The following PKNOX2 variants were observed in gnomAD, a reference collection of about 807,000 sequenced individuals.
The protein encoded by PKNOX2 is PBX/knotted 1 homeobox 2, also known as homeobox protein PKNOX2.
Under a neutral mutation model 53.1 loss-of-function variants are expected in PKNOX2, and 14 were observed. That is an observed-to-expected ratio of 0.26 (90% confidence interval 0.17 to 0.41). PKNOX2 has a LOEUF of 0.41. Ranked by LOEUF, PKNOX2 falls within the 10% of genes least tolerant of loss-of-function variation. PKNOX2 has a pLI of 1.00. For synonymous variants in PKNOX2, 257 were observed against 242.8 expected (o/e 1.06, Z -0.54); for missense variants, 496 against 602.8 (o/e 0.82, Z 1.85).
chr11:125,250,223 A>G (rs376370424), intron 2 of PKNOX2, among the ~76,000 whole-genome samples: 177 of 152,226 alleles, frequency 1.2e-3, no homozygotes, highest in African/African-American at 3.7e-3. Context: ...GCTTGGGGTG[A>G]TAAATTTGAG....
rs907064490 is a variant in PKNOX2, at chr11:125,174,535, C to G, written c.-201+9759C>G. Among the ~76,000 whole-genome samples the G allele has an allele frequency of 9.9e-5, 15 of 152,282 alleles. No homozygotes were observed. In the East Asian group the frequency reaches 2.9e-3, roughly 29 times the overall value. ...CCTACGACTGTCTGGGCTGTACATG[C>G]GAGGTCCATCAGGCACCATGAGTTT... is the stretch of plus-strand genomic sequence containing the variant. On this transcript the variant is annotated intron_variant, in intron 1 of 12. Coordinates refer to ENST00000298282, the MANE Select transcript of PKNOX2 (RefSeq NM_001382323.2).
intron 2 of PKNOX2, among the ~76,000 whole-genome samples, chr11:125,326,241 G>A (rs1395069926): frequency 2.0e-5 from 3 of 152,228 alleles, no homozygotes; most frequent in Admixed American, 1.3e-4. Flanking sequence ...GAGGGCAAGA[G>A]GCTGAGTTCA....
chr11:125,195,066 T>C (rs903281066), intron 1 of PKNOX2, among the ~76,000 whole-genome samples: 19 of 152,124 alleles, frequency 1.2e-4, no homozygotes, highest in Non-Finnish European at 2.1e-4. Context: ...AACCAGGAGT[T>C]TGGGAAGATG....
At chr11:125,210,991 A>G (rs1399644563) in intron 1 of PKNOX2, among the ~76,000 whole-genome samples, 3 of 152,148 alleles carry the variant, frequency 2.0e-5, no homozygotes, top group Admixed American at 2.0e-4. Flanking sequence ...AATAATGTTA[A>G]TCTTGAACGA....
At chr11:125,243,798 A>G (rs936175809) in intron 2 of PKNOX2, among the ~76,000 whole-genome samples, 1 of 151,620 alleles carries the variant, frequency 6.6e-6, no homozygotes, top group Non-Finnish European at 1.5e-5. Flanking sequence ...AATTTTTTGT[A>G]TTTTTAGTAG....
chr11:125,192,032 T>C (rs1956906922), intron 1 of PKNOX2, among the ~76,000 whole-genome samples: 1 of 152,010 alleles, frequency 6.6e-6, no homozygotes, highest in Non-Finnish European at 1.5e-5. Flanking sequence ...TATCGACATC[T>C]GAGCAGAGAG....
intron 2 of PKNOX2, among the ~76,000 whole-genome samples, chr11:125,256,073 T>G (rs921296493): frequency 6.6e-6 from 1 of 152,014 alleles, no homozygotes; most frequent in Admixed American, 6.6e-5. Flanking sequence ...ATGAGGGAAC[T>G]TAGCCTGCTG....
rs1175426207 is a variant in PKNOX2 at position 125,384,758 on chromosome 11, C to T, written c.228-793C>T. Among the ~76,000 whole-genome samples the T allele has an allele frequency of 1.3e-5, 2 of 152,264 alleles. 1 individual carries two copies. Among genetic ancestry groups the T allele is most frequent in the Admixed American group, 1.3e-4 (2 of 15,296 alleles). ...CACATCTAGATGTCATAGAACCCCC[C>T]GCCCCGACCACCACACATACCCTCT... On this transcript the variant is annotated intron_variant, in intron 5 of 12. Coordinates refer to ENST00000298282, the MANE Select transcript of PKNOX2 (RefSeq NM_001382323.2).
intron 2 of PKNOX2, among the ~76,000 whole-genome samples, chr11:125,260,661 C>A (rs1293321751): frequency 6.6e-6 from 1 of 152,298 alleles, no homozygotes; most frequent in East Asian, 1.9e-4. Context: ...TCCCTAGTAG[C>A]TGCAGGCTTT....
Position 125,385,676 on chromosome 11 carries a change from A to G in PKNOX2, c.353A>G (p.Gln118Arg). The change falls in exon 6 of 13, where the codon CAG (glutamine) becomes CGG (arginine). Residue 118 changes from glutamine to arginine, a missense_variant. By Grantham distance (43) the Gln-to-Arg change is conservative. This residue lies in a region of PKNOX2 where 168 missense variants were observed against 178.4 expected (regional missense o/e 0.94). Coordinates refer to ENST00000298282, the MANE Select transcript of PKNOX2 (RefSeq NM_001382323.2). ...DIENFVHQQE[Q>R]EHKPFFSDDP... ...GAGAACTTTGTCCACCAGCAGGAAC[A>G]GGAGCACAAACCCTTCTTCAGCGAT... The G allele has an allele frequency of 6.2e-7, 1 of 1,613,912 alleles. No homozygotes were observed. Among genetic ancestry groups the G allele is most frequent in the Non-Finnish European group, 8.5e-7 (1 of 1,179,948 alleles).
intron 1 of PKNOX2, among the ~76,000 whole-genome samples, chr11:125,177,713 C>G (rs1386304318): frequency 6.6e-6 from 1 of 152,172 alleles, no homozygotes; most frequent in East Asian, 1.9e-4. Flanking sequence ...CCTTCAGAGG[C>G]AGGAGGCATG....
At position 125,335,574 on chromosome 11, in the gene PKNOX2, AC is replaced by A. The variant is rs1241927254; in HGVS notation, c.-23+3650del. 2.0e-5 allele frequency among the ~76,000 whole-genome samples: 3 copies of A among 152,186 alleles called. No individual in the cohort carries two copies. The East Asian group carries it at 5.8e-4, about 29-fold the overall frequency. ...CAGTTTCATCCAGGCCAGTCTTTGG[AC>A]TGAGCACTTATAGTCAAGAACTTAG... On this transcript the variant is annotated intron_variant, in intron 3 of 12. Coordinates refer to ENST00000298282, the MANE Select transcript of PKNOX2 (RefSeq NM_001382323.2).
At chr11:125,350,085 G>A (rs1951214595) in intron 3 of PKNOX2, among the ~76,000 whole-genome samples, 2 of 152,176 alleles carry the variant, frequency 1.3e-5, no homozygotes, top group African/African-American at 4.8e-5. Flanking sequence ...CCACCCAGGA[G>A]AAGAACACGT....
rs1157410168 is a variant in PKNOX2 at position 125,397,929 on chromosome 11, A to G, written c.455A>G (p.Asn152Ser). ...RIHLLELEKV[N>S]ELCKDFCNRY... ...CACCTGCTGGAGCTGGAGAAAGTCAATGAACTCTGCAAGGACTTTTGTAAC... is the reference window on the plus strand; with the variant it reads ...CACCTGCTGGAGCTGGAGAAAGTCAGTGAACTCTGCAAGGACTTTTGTAAC... The change falls in exon 7 of 13, where the codon AAT becomes AGT. Residue 152 changes from asparagine (N) to serine (S), a missense_variant. This residue lies in a region of PKNOX2 where 12 missense variants were observed against 37.2 expected (regional missense o/e 0.32). Coordinates refer to ENST00000298282, the MANE Select transcript of PKNOX2 (RefSeq NM_001382323.2). 2 of 1,613,986 alleles carry G rather than the reference A, an allele frequency of 1.2e-6. No individual in the cohort carries two copies. Among genetic ancestry groups the G allele is most frequent in the Non-Finnish European group, 1.7e-6 (2 of 1,180,008 alleles).
At chr11:125,417,304 A>G (rs994507489) in intron 10 of PKNOX2, among the ~76,000 whole-genome samples, 3 of 151,988 alleles carry the variant, frequency 2.0e-5, no homozygotes, top group African/African-American at 7.3e-5. Flanking sequence ...CTGCCAGCCA[A>G]GCACATGAGC....
intron 1 of PKNOX2, among the ~76,000 whole-genome samples, chr11:125,178,609 G>GGAAGGAAGGAAAGAAA (rs1555108355): frequency 4.3e-5 from 2 of 46,260 alleles, no homozygotes; most frequent in African/African-American, 1.3e-4. Flanking sequence ...AAGGAAGGAA[G>GGAAGGAAGGAAAGAAA]GAAAGAAAGA....
chr11:125,395,358 T>C (rs780033610), intron 6 of PKNOX2, among the ~76,000 whole-genome samples: 4 of 152,246 alleles, frequency 2.6e-5, no homozygotes, highest in Non-Finnish European at 5.9e-5. Context: ...TTTTGACTAT[T>C]AGAAGTAAAG....
intron 10 of PKNOX2, among the ~76,000 whole-genome samples, chr11:125,418,431 CTGT>C (rs2135599837): frequency 6.6e-6 from 1 of 152,154 alleles, no homozygotes; most frequent in South Asian, 2.1e-4. Flanking sequence ...GATTCTGTGC[CTGT>C]TGTTCTCTTA....
chr11:125,311,450 C>G (rs2136009430), intron 2 of PKNOX2, among the ~76,000 whole-genome samples: 1 of 152,190 alleles, frequency 6.6e-6, no homozygotes, highest in South Asian at 2.1e-4. Context: ...TTGCTATAGC[C>G]CTAGGTAGAA....
Sources: allele counts gnomAD v4.1 joint callset (sites outside exome capture counted in the v4.1 genomes callset), GRCh38; gene constraint gnomAD v4.1.1; regional missense constraint gnomAD v4.1.1; transcripts MANE v1.5; gene names NCBI Gene and HGNC (gene_info 2026-07-23, HGNC 2026-07-21).